The following PHF14 variants were observed in gnomAD, a reference collection of about 807,000 sequenced individuals.
PHF14 encodes the protein PHD finger protein 14.
Under a neutral mutation model 117.9 loss-of-function variants are expected in PHF14, and 55 were observed. The observed-to-expected ratio is 0.47, with a 90% CI of 0.38 to 0.58. The LOEUF is 0.58. Among genes scored for constraint, PHF14 ranks in the 20% least tolerant of loss-of-function variants. The pLI is 0.00. For missense variants in PHF14, 978 were observed against 1,122.2 expected (o/e 0.87, Z 1.84); for synonymous variants, 409 against 368.6 (o/e 1.11, Z -1.26).
chr7:10,989,475 A>T (rs1583334482), intron 3 of PHF14, among the ~76,000 whole-genome samples: 1 of 152,346 alleles, frequency 6.6e-6, no homozygotes, highest in African/African-American at 2.4e-5. Flanking sequence ...GCCATCTTTT[A>T]TTATATGTAA....
chr7:11,090,509 G>A (rs1034555134), intron 16 of PHF14, among the ~76,000 whole-genome samples: 4 of 152,148 alleles, frequency 2.6e-5, no homozygotes, highest in Non-Finnish European at 2.9e-5. Context: ...ATTATATCAA[G>A]GACCTTGTTG....
At chr7:11,013,694 G>T (rs2128316220) in intron 4 of PHF14, 53 bp from the exon 5 acceptor site, 2 of 978,008 alleles carry the variant, frequency 2.0e-6, no homozygotes, top group Non-Finnish European at 2.9e-6. Flanking sequence ...GTGATTTTAT[G>T]TGACTTTAAC....
At chr7:11,018,768 C>T (rs1466393786) in intron 5 of PHF14, among the ~76,000 whole-genome samples, 1 of 152,136 alleles carries the variant, frequency 6.6e-6, no homozygotes, top group Non-Finnish European at 1.5e-5. Flanking sequence ...GCTAGGGCTT[C>T]CAGTACTATG....
intron 16 of PHF14, chr7:11,103,008 C>T: frequency 2.0e-6 from 2 of 992,236 alleles, no homozygotes; most frequent in Non-Finnish European, 2.4e-6. Flanking sequence ...CAATGCATTC[C>T]ATTAGTCTGC....
intron 16 of PHF14, among the ~76,000 whole-genome samples, chr7:11,066,379 C>G (rs1340324445): frequency 6.6e-6 from 1 of 152,162 alleles, no homozygotes; most frequent in Non-Finnish European, 1.5e-5. Context: ...CTCACCTCAG[C>G]CTCCCGAGTA....
At chr7:10,991,845 G>T (rs1309649572) in intron 4 of PHF14, among the ~76,000 whole-genome samples, 1 of 136,094 alleles carries the variant, frequency 7.3e-6, no homozygotes, top group Non-Finnish European at 1.5e-5. Flanking sequence ...CAATCTGCCT[G>T]CCTCGGCCTC....
At chr7:11,083,596 G>A (rs1368875776) in intron 16 of PHF14, among the ~76,000 whole-genome samples, 3 of 151,408 alleles carry the variant, frequency 2.0e-5, no homozygotes, top group Admixed American at 6.6e-5. Context: ...GAGTAGCTGG[G>A]ATTACAGGTG....
rs1283271482 is a variant in PHF14 at position 10,974,951 on chromosome 7, T to C, written c.112+6T>C. 5 of 1,313,704 alleles carry C rather than the reference T, an allele frequency of 3.8e-6. No homozygotes were observed. Among genetic ancestry groups the C allele is most frequent in the Non-Finnish European group, 1.1e-6 (1 of 923,454 alleles). The allele number at this position is 1,313,704 out of a possible 1,614,324, so 81.4% of individuals were successfully genotyped here. A position where few individuals can be genotyped will look rare whatever the true frequency, so the allele number is the denominator to read the frequency against. On this transcript the variant is annotated splice_donor_region_variant and intron_variant, in intron 2 of 17. Coordinates refer to ENST00000634607, the MANE Select transcript of PHF14 (RefSeq NM_001007157.2). Reference sequence around the variant, plus strand: ...TAAAGTTGGAGATGCCTCAGGTAAATATTTCCTTCTCTCTTCCCCTTTCCC... The same window carrying C: ...TAAAGTTGGAGATGCCTCAGGTAAACATTTCCTTCTCTCTTCCCCTTTCCC...
chr7:11,154,708 G>A (rs974607018), intron 17 of PHF14, among the ~76,000 whole-genome samples: 10 of 152,112 alleles, frequency 6.6e-5, no homozygotes, highest in Admixed American at 6.6e-4. Context: ...ACTCTGGGAA[G>A]AACTTCAGTT....
At chr7:10,984,579 T>A (rs895965765) in intron 3 of PHF14, among the ~76,000 whole-genome samples, 2 of 152,174 alleles carry the variant, frequency 1.3e-5, no homozygotes, top group Non-Finnish European at 2.9e-5. Context: ...TGAATAAGTT[T>A]ACTTTTGACC....
intron 3 of PHF14, among the ~76,000 whole-genome samples, chr7:10,985,902 C>T (rs1437104522): frequency 6.6e-6 from 1 of 152,052 alleles, no homozygotes; most frequent in African/African-American, 2.4e-5. Flanking sequence ...ATCCACCTGC[C>T]TTGGCCTCCC....
chr7:11,047,136 G>T (rs1397850238), intron 13 of PHF14, among the ~76,000 whole-genome samples: 1 of 150,796 alleles, frequency 6.6e-6, no homozygotes, highest in Admixed American at 6.6e-5. Flanking sequence ...TGGCACAATC[G>T]CAACTCACCG....
chr7:11,162,731 C>T (rs961219199), intron 17 of PHF14, among the ~76,000 whole-genome samples: 9 of 130,244 alleles, frequency 6.9e-5, no homozygotes, highest in African/African-American at 1.5e-4. Context: ...TATGGAGTTT[C>T]GGTCTTGTCG....
At chr7:11,054,712 A>G (rs1784958484) in intron 14 of PHF14, among the ~76,000 whole-genome samples, 1 of 152,110 alleles carries the variant, frequency 6.6e-6, no homozygotes, top group African/African-American at 2.4e-5. Context: ...ACCTTTTGCA[A>G]TATATAACTA....
rs1172838242 is a variant in PHF14 at position 11,038,850 on chromosome 7, G to A, written c.2071G>A (p.Gly691Arg). Residue 691 changes from glycine to arginine, a missense_variant, in exon 11 of 18, where the codon GGG becomes AGG. This residue lies in a region of PHF14 where 237 missense variants were observed against 276.4 expected (regional missense o/e 0.86). Transcript: ENST00000634607. ...ATGGGCTTTACTAGGCAGAATCACA[G>A]GGCAGGTTAGTTTCTTTCCAATTGC... ...GIWALLGRIT[G>R]QKLNIPAILR... is the part of the protein sequence containing the mutation. 2.0e-6 allele frequency: 3 copies of A among 1,514,088 alleles called. No individual in the cohort carries two copies. The highest frequency in any genetic ancestry group is 1.8e-5 in the Admixed American group (1 of 55,118). The allele number at this position is 1,514,088 out of a possible 1,614,324, so 93.8% of individuals were successfully genotyped here.
intron 17 of PHF14, among the ~76,000 whole-genome samples, chr7:11,128,830 G>T (rs962897862): frequency 6.7e-6 from 1 of 150,176 alleles, no homozygotes; most frequent in South Asian, 2.1e-4. Context: ...ATATCATCAG[G>T]TTTTTTTTCT....
rs1388384024 is a variant in PHF14 at position 11,073,722 on chromosome 7, T to C, written c.2654+11637T>C. On this transcript the variant is annotated intron_variant, in intron 16 of 17. Transcript: ENST00000634607. ...TTCCGCACTGCACTAGTAGAGGCTT[T>C]CTGTGAAGGCTCTGTCTCTGTGACA... is the stretch of plus-strand genomic sequence containing the variant. 2.6e-5 allele frequency among the ~76,000 whole-genome samples: 4 copies of C among 152,212 alleles called. No individual in the cohort carries two copies. The East Asian group carries it at 7.7e-4, about 29-fold the overall frequency.
chr7:11,143,594 A>T (rs1165803777), intron 17 of PHF14, among the ~76,000 whole-genome samples: 4 of 152,184 alleles, frequency 2.6e-5, no homozygotes, highest in African/African-American at 7.2e-5. Flanking sequence ...AAAGAAAATA[A>T]AAGTCATGAC....
chr7:11,028,165 C>T (rs1422749913), intron 6 of PHF14, among the ~76,000 whole-genome samples: 1 of 152,054 alleles, frequency 6.6e-6, no homozygotes, highest in Non-Finnish European at 1.5e-5. Context: ...TTTACATTAG[C>T]CTACACTTGA....
Sources: gnomAD v4.1 joint callset for allele counts (sites outside exome capture counted in the v4.1 genomes callset) on GRCh38, gnomAD v4.1.1 for gene constraint, gnomAD v4.1.1 regional missense constraint, MANE v1.5 for transcripts, NCBI Gene and HGNC (gene_info 2026-07-23, HGNC 2026-07-21) for gene names.